The following MDGA2 variants were observed in gnomAD, a reference collection of about 807,000 sequenced individuals.
MDGA2 encodes MAM domain containing glycosylphosphatidylinositol anchor 2.
MDGA2 carries 40 observed loss-of-function variants against 117.8 expected under a neutral mutation model. The ratio of observed to expected loss-of-function variants is 0.34; its 90% CI spans 0.26 to 0.44. The LOEUF (loss-of-function observed/expected upper bound fraction) is 0.44, where lower values mean the gene tolerates loss of function less well. Among genes scored for constraint, MDGA2 ranks in the 20% least tolerant of loss-of-function variants. The pLI is 1.00. For missense variants in MDGA2, 1,123 were observed against 1,250.6 expected (o/e 0.90, Z 1.54); for synonymous variants, 452 against 439.0 (o/e 1.03, Z -0.37).
At chr14:47,204,081 G>A (rs916428305) in intron 3 of MDGA2, among the ~76,000 whole-genome samples, 2 of 151,896 alleles carry the variant, frequency 1.3e-5, no homozygotes, top group African/African-American at 4.8e-5. Context: ...ATTTTGAAAG[G>A]ACTATACAAT....
At chr14:47,530,310 T>C (rs1895069428) in intron 1 of MDGA2, among the ~76,000 whole-genome samples, 1 of 152,208 alleles carries the variant, frequency 6.6e-6, no homozygotes, top group Admixed American at 6.5e-5. Flanking sequence ...TAACCAGTTG[T>C]CTAGCTTCAC....
intron 8 of MDGA2, among the ~76,000 whole-genome samples, chr14:46,992,446 A>G (rs1407302947): frequency 6.6e-6 from 1 of 152,076 alleles, no homozygotes; most frequent in Non-Finnish European, 1.5e-5. Context: ...TTCTTCCCAT[A>G]AGGGGACAAT....
Position 47,471,862 on chromosome 14 carries a change from G to A in MDGA2, c.281-170312C>T, listed in dbSNP as rs528882421. ...ATTGGAAGTTAATAGCTGAAAAATC[G>A]TTTATATCACTTTCCAAATAACTTT... On this transcript the variant is annotated intron_variant, in intron 1 of 16. Coordinates refer to ENST00000399232, the MANE Select transcript of MDGA2 (RefSeq NM_001113498.3). 1.7e-3 allele frequency among the ~76,000 whole-genome samples: 259 copies of A among 152,052 alleles called. 1 individual carries two copies. The highest frequency in any genetic ancestry group is 5.9e-3 in the African/African-American group (245 of 41,498).
intron 8 of MDGA2, among the ~76,000 whole-genome samples, chr14:46,981,300 A>G (rs1234749621): frequency 1.3e-5 from 2 of 152,062 alleles, no homozygotes; most frequent in African/African-American, 4.8e-5. Flanking sequence ...GCTACTCAGG[A>G]GGCTGAGGTA....
chr14:47,600,311 G>A (rs965876852), intron 1 of MDGA2, among the ~76,000 whole-genome samples: 3 of 151,798 alleles, frequency 2.0e-5, no homozygotes, highest in Non-Finnish European at 4.4e-5. Context: ...GCGTCCACCT[G>A]CAATCCCAGC....
intron 8 of MDGA2, among the ~76,000 whole-genome samples, chr14:47,004,029 G>A (rs1887625631): frequency 6.6e-6 from 1 of 151,876 alleles, no homozygotes; most frequent in African/African-American, 2.4e-5. Context: ...TACAGACTGT[G>A]AGAAAACATT....
chr14:47,507,939 A>G (rs902892362), intron 1 of MDGA2, among the ~76,000 whole-genome samples: 2 of 152,194 alleles, frequency 1.3e-5, no homozygotes, highest in African/African-American at 4.8e-5. Flanking sequence ...AGTCCAGCTC[A>G]TCCTCATACA....
intron 4 of MDGA2, among the ~76,000 whole-genome samples, chr14:47,135,941 T>A (rs1252568571): frequency 6.6e-6 from 1 of 152,116 alleles, no homozygotes; most frequent in Non-Finnish European, 1.5e-5. Flanking sequence ...TGAGATAAGA[T>A]TTCAAAGCTT....
intron 1 of MDGA2, among the ~76,000 whole-genome samples, chr14:47,600,381 C>T (rs981245346): frequency 5.9e-5 from 9 of 151,908 alleles, no homozygotes; most frequent in Non-Finnish European, 1.2e-4. Flanking sequence ...TTGCAGTCAG[C>T]GGCAATCACG....
At chr14:47,593,818 T>C (rs957277408) in intron 1 of MDGA2, among the ~76,000 whole-genome samples, 1 of 152,112 alleles carries the variant, frequency 6.6e-6, no homozygotes, top group Non-Finnish European at 1.5e-5. Flanking sequence ...CAAACCACCA[T>C]GGCACACGTT....
chr14:47,339,240 G>A (rs1326856222), intron 1 of MDGA2, among the ~76,000 whole-genome samples: 1 of 151,762 alleles, frequency 6.6e-6, no homozygotes, highest in Admixed American at 6.6e-5. Flanking sequence ...TTTTTTGCAT[G>A]GCTTTATTTA....
intron 4 of MDGA2, among the ~76,000 whole-genome samples, chr14:47,135,382 GA>G (rs1882402439): frequency 1.3e-5 from 2 of 151,630 alleles, no homozygotes; most frequent in African/African-American, 4.8e-5. Context: ...TAGACAAAAA[GA>G]AAAAAAGCAA....
chr14:47,022,245 C>T (rs1416449108), intron 8 of MDGA2, among the ~76,000 whole-genome samples: 1 of 152,006 alleles, frequency 6.6e-6, no homozygotes, highest in African/African-American at 2.4e-5. Flanking sequence ...ATCACCATGC[C>T]TGGCTAATTT....
At chr14:46,881,933 A>G (rs2138390381) in intron 11 of MDGA2, 111 bp downstream of exon 11, 1 of 605,246 alleles carries the variant, frequency 1.7e-6, no homozygotes, top group African/African-American at 1.9e-5. Flanking sequence ...TGATCCAGAA[A>G]GTCAATATGC....
At chr14:47,189,421 T>C (rs375433216) in intron 3 of MDGA2, among the ~76,000 whole-genome samples, 191 of 152,264 alleles carry the variant, frequency 1.3e-3, no homozygotes, top group African/African-American at 3.6e-3. Context: ...CGGAATATAG[T>C]AGGTTTAAGT....
chr14:47,412,779 T>C (rs898343809), intron 1 of MDGA2, among the ~76,000 whole-genome samples: 4 of 152,216 alleles, frequency 2.6e-5, no homozygotes, highest in Admixed American at 2.0e-4. Flanking sequence ...CAGATGCTAT[T>C]GAGGTACACA....
At chr14:47,301,602 ATCT>A (rs1234977854) in intron 1 of MDGA2, 52 bp from the exon 2 acceptor site, 14 of 1,540,904 alleles carry the variant, frequency 9.1e-6, no homozygotes, top group Non-Finnish European at 1.1e-5. Flanking sequence ...TAAGTCAGTG[ATCT>A]TCTCATGAAC....
intron 1 of MDGA2, among the ~76,000 whole-genome samples, chr14:47,585,355 T>C (rs1896304578): frequency 6.6e-6 from 1 of 152,018 alleles, no homozygotes; most frequent in Non-Finnish European, 1.5e-5. Flanking sequence ...ACAGAACTTG[T>C]ACTTTATGTT....
intron 1 of MDGA2, among the ~76,000 whole-genome samples, chr14:47,316,073 A>T (rs1320775717): frequency 6.6e-6 from 1 of 152,112 alleles, no homozygotes; most frequent in African/African-American, 2.4e-5. Context: ...TGCTAGCATA[A>T]TCTAAGGTAA....
Sources: gnomAD v4.1 joint callset for allele counts (sites outside exome capture counted in the v4.1 genomes callset) on GRCh38, gnomAD v4.1.1 for gene constraint, MANE v1.5 for transcripts, NCBI Gene and HGNC (gene_info 2026-07-23, HGNC 2026-07-21) for gene names.